NDUFA5: variants seen among roughly 807,000 people sequenced by gnomAD.
The protein encoded by NDUFA5 is NADH dehydrogenase [ubiquinone] 1 alpha subcomplex subunit 5.
A neutral mutation model predicts 19.8 loss-of-function variants in NDUFA5; 11 were observed. That is an observed-to-expected ratio of 0.56 (90% CI 0.35 to 0.92). The LOEUF (loss-of-function observed/expected upper bound fraction) is 0.92. Among genes scored for constraint, NDUFA5 ranks in the 40% least tolerant of loss-of-function variants. NDUFA5 has a pLI of 0.01. For missense variants in NDUFA5, 109 were observed against 134.2 expected (o/e 0.81, Z 0.93); for synonymous variants, 47 against 46.8 (o/e 1.00, Z -0.01).
chr7:123,571,166 A>G, the NDUFA5 span, among the ~76,000 whole-genome samples: 1,131 of 152,358 alleles, frequency 7.4e-3, 14 homozygotes, highest in African/African-American at 0.026. Context: ...GAGAAGCACC[A>G]ACTGCACAGC....
the NDUFA5 span, among the ~76,000 whole-genome samples, chr7:123,590,577 A>G: frequency 6.6e-6 from 1 of 152,192 alleles, no homozygotes; most frequent in East Asian, 1.9e-4. Flanking sequence ...TTAAATAGGG[A>G]ATCCTTTCCC....
the NDUFA5 span, among the ~76,000 whole-genome samples, chr7:123,597,699 C>T: frequency 2.0e-5 from 3 of 152,040 alleles, no homozygotes; most frequent in South Asian, 2.1e-4. Flanking sequence ...GACGTGGTGG[C>T]ACACACCTGT....
At chr7:123,595,511 T>C in the NDUFA5 span, among the ~76,000 whole-genome samples, 1 of 152,216 alleles carries the variant, frequency 6.6e-6, no homozygotes, top group Non-Finnish European at 1.5e-5. Flanking sequence ...AATGACCAAC[T>C]ATCGTCATGC....
At chr7:123,555,333 T>C (rs547460870) in intron 2 of NDUFA5, 1 of 152,294 alleles carries the variant, frequency 6.6e-6, no homozygotes, top group African/African-American at 2.4e-5. Flanking sequence ...AAGGAGGTTG[T>C]TGCAATTCTC....
At chr7:123,598,300 A>C in the NDUFA5 span, among the ~76,000 whole-genome samples, 1 of 152,180 alleles carries the variant, frequency 6.6e-6, no homozygotes, top group Non-Finnish European at 1.5e-5. Context: ...AATGATATGA[A>C]ATAACAAGAG....
chr7:123,544,110 C>T (rs551587488), intron 4 of NDUFA5, among the ~76,000 whole-genome samples: 1 of 152,058 alleles, frequency 6.6e-6, no homozygotes, highest in African/African-American at 2.4e-5. Flanking sequence ...TTAAATGAAA[C>T]AATTGAATAT....
At chr7:123,595,454 T>A in the NDUFA5 span, among the ~76,000 whole-genome samples, 10 of 152,228 alleles carry the variant, frequency 6.6e-5, no homozygotes, top group African/African-American at 2.4e-4. Flanking sequence ...TCAGCACAGA[T>A]GTGTTCCCTC....
intron 3 of NDUFA5, among the ~76,000 whole-genome samples, chr7:123,549,605 C>A (rs568692991): frequency 1.1e-4 from 17 of 151,990 alleles, no homozygotes; most frequent in Non-Finnish European, 2.1e-4. Context: ...AGTGAAACTC[C>A]GCCTCTACAA....
chr7:123,557,619 A>G, intron 1 of NDUFA5, 156 bp downstream of exon 1: 1 of 1,613,508 alleles, frequency 6.2e-7, no homozygotes, highest in Non-Finnish European at 8.5e-7. Flanking sequence ...GAGCGGAACC[A>G]CTAACCTGCC....
chr7:123,582,510 A>G, the NDUFA5 span, among the ~76,000 whole-genome samples: 1 of 152,054 alleles, frequency 6.6e-6, no homozygotes, highest in African/African-American at 2.4e-5. Context: ...ACTCTTACCT[A>G]AAGCTCCTGC....
intron 2 of NDUFA5, among the ~76,000 whole-genome samples, chr7:123,554,156 T>TACCA (rs1798453753): frequency 6.6e-6 from 1 of 152,200 alleles, no homozygotes; most frequent in Non-Finnish European, 1.5e-5. Flanking sequence ...TATAAATACA[T>TACCA]ACCAGAGTTG....
rs1797930899 is a variant in NDUFA5, at chr7:123,541,070, T to G, written c.*1049A>C. On this transcript the variant is annotated 3_prime_UTR_variant, in exon 5 of 5. Coordinates refer to ENST00000355749, the MANE Select transcript of NDUFA5 (RefSeq NM_005000.5). ...CATGTAATTTTATTTTTGTTTAACC[T>G]TAAGCTTGCCAACTTCTTTCCCTGA... The G allele has an allele frequency of 6.6e-6, 1 of 152,210 alleles. No individual in the cohort carries two copies. The highest frequency in any genetic ancestry group is 6.5e-5 in the Admixed American group (1 of 15,284). 9.4% of individuals were successfully genotyped at this position (152,210 alleles called of 1,614,324 possible).
At chr7:123,544,870 A>T (rs1022864899) in intron 4 of NDUFA5, among the ~76,000 whole-genome samples, 2 of 151,660 alleles carry the variant, frequency 1.3e-5, no homozygotes, top group Middle Eastern at 3.2e-3. Context: ...GCCTATTTAC[A>T]TCAGTAACCT....
At chr7:123,562,798 C>CT (rs35492926), upstream of NDUFA5, among the ~76,000 whole-genome samples, 9,253 of 135,930 alleles carry the variant, frequency 0.068, 355 homozygotes, top group Non-Finnish European at 0.083. Flanking sequence ...TTCTTTCTTT[C>CT]TTTTTTTTTT....
At chr7:123,552,433 C>A (rs1798380301) in intron 2 of NDUFA5, among the ~76,000 whole-genome samples, 1 of 151,680 alleles carries the variant, frequency 6.6e-6, no homozygotes, top group South Asian at 2.1e-4. Context: ...GAGAGTTGAA[C>A]AATGAGAACA....
chr7:123,546,394 G>A (rs1274037926), intron 3 of NDUFA5, among the ~76,000 whole-genome samples: 1 of 152,114 alleles, frequency 6.6e-6, no homozygotes, highest in African/African-American at 2.4e-5. Flanking sequence ...AAGGGGAAGA[G>A]GCAAGGGTTT....
At chr7:123,596,900 G>A in the NDUFA5 span, among the ~76,000 whole-genome samples, 1 of 152,104 alleles carries the variant, frequency 6.6e-6, no homozygotes, top group African/African-American at 2.4e-5. Flanking sequence ...TGCCAATATA[G>A]AGCTTTATTT....
the NDUFA5 span, among the ~76,000 whole-genome samples, chr7:123,564,620 G>C: frequency 6.6e-6 from 1 of 151,818 alleles, no homozygotes; most frequent in East Asian, 1.9e-4. Context: ...TATTGTGTGT[G>C]TGTGTATATA....
At chr7:123,587,717 C>T in the NDUFA5 span, among the ~76,000 whole-genome samples, 3 of 151,650 alleles carry the variant, frequency 2.0e-5, no homozygotes, top group Middle Eastern at 3.2e-3. Flanking sequence ...TCTTTCTATA[C>T]CTAATTAGCT....
Sources: gnomAD v4.1 joint callset for allele counts (sites outside exome capture counted in the v4.1 genomes callset) on GRCh38, gnomAD v4.1.1 for gene constraint, MANE v1.5 for transcripts, NCBI Gene and HGNC (gene_info 2026-07-23, HGNC 2026-07-21) for gene names.